Variants in XKR9 observed in about 807,000 individuals in gnomAD.
XKR9 encodes the protein XK related 9.
A neutral mutation model predicts 32.0 loss-of-function variants in XKR9; 32 were observed. The ratio of observed to expected loss-of-function variants is 1.00; its 90% CI spans 0.76 to 1.34. XKR9 has a LOEUF of 1.34. Among genes scored for constraint, XKR9 ranks in the 40% most tolerant of loss-of-function variants. The pLI is 0.00. For missense variants in XKR9, 546 were observed against 429.7 expected, an observed-to-expected ratio of 1.27 and a Z score of -2.39; for synonymous variants, 168 against 143.4, an observed-to-expected ratio of 1.17 and a Z score of -1.22.
At chr8:70,967,516 T>C in the XKR9 span, among the ~76,000 whole-genome samples, 1 of 152,204 alleles carries the variant, frequency 6.6e-6, no homozygotes, top group Non-Finnish European at 1.5e-5. Context: ...GTTTATGTGG[T>C]TGCTTCATAG....
Position 70,785,720 on chromosome 8 carries a change from T to TCG in XKR9, n.353-3618_353-3617insGC, listed in dbSNP as rs752646112. On this transcript the variant is annotated intron_variant and non_coding_transcript_variant, in intron 2 of 3. Transcript: ENST00000520273. ...GTGTGTTGTATTTACTTTTTTTTGC[T>TCG]CTCTCTCTCTCTCTCTCTCTATATA... Among the ~76,000 whole-genome samples the TCG allele has an allele frequency of 6.4e-5, 5 of 78,620 alleles. 1 individual carries two copies. The allele number at this position is 78,620 out of a possible 152,430, so 51.6% of individuals were successfully genotyped here. A position where few individuals can be genotyped will look rare whatever the true frequency, so the allele number is the denominator to read the frequency against.
chr8:70,738,988 G>A (rs889017345), downstream of XKR9, among the ~76,000 whole-genome samples: 14 of 152,198 alleles, frequency 9.2e-5, no homozygotes, highest in South Asian at 4.2e-4. Context: ...TATTAGGTCC[G>A]CTTGGTGCAG....
chr8:70,875,417 G>A, the XKR9 span, among the ~76,000 whole-genome samples: 1 of 152,160 alleles, frequency 6.6e-6, no homozygotes, highest in South Asian at 2.1e-4. Context: ...TATAGAGCAG[G>A]ACACATATTT....
the XKR9 span, among the ~76,000 whole-genome samples, chr8:70,870,156 T>C: frequency 6.6e-6 from 1 of 152,232 alleles, no homozygotes; most frequent in East Asian, 1.9e-4. Flanking sequence ...ACTAGTATGA[T>C]ATTTTGTAAG....
intron 3 of XKR9, among the ~76,000 whole-genome samples, chr8:70,686,407 T>G (rs2132122488): frequency 1.0e-5 from 1 of 99,328 alleles, no homozygotes; most frequent in African/African-American, 3.5e-5. Context: ...CACACCGAGA[T>G]AGCTAATATA....
chr8:70,772,509 C>T (rs1807467009), intron 2 of XKR9, among the ~76,000 whole-genome samples: 1 of 152,038 alleles, frequency 6.6e-6, no homozygotes, highest in Admixed American at 6.6e-5. Context: ...TTTAAAACAC[C>T]ATGAAATGCC....
the XKR9 span, among the ~76,000 whole-genome samples, chr8:70,959,309 A>G: frequency 1.3e-5 from 2 of 152,298 alleles, no homozygotes; most frequent in Middle Eastern, 3.4e-3. Flanking sequence ...CACATATAGG[A>G]TATTATACCA....
the XKR9 span, among the ~76,000 whole-genome samples, chr8:71,062,508 G>A: frequency 6.6e-6 from 1 of 152,156 alleles, no homozygotes; most frequent in Non-Finnish European, 1.5e-5. Context: ...TGCGGGTTGA[G>A]ATTTCCACAT....
chr8:71,006,552 C>G, the XKR9 span, among the ~76,000 whole-genome samples: 8 of 152,250 alleles, frequency 5.3e-5, no homozygotes, highest in South Asian at 1.7e-3. Context: ...TTAAACAAAC[C>G]TTCAACTGCA....
chr8:70,779,242 A>G (rs1314529417), intron 2 of XKR9, among the ~76,000 whole-genome samples: 1 of 151,742 alleles, frequency 6.6e-6, no homozygotes, highest in Non-Finnish European at 1.5e-5. Flanking sequence ...TGTTTATGTG[A>G]TGGATTATGT....
chr8:70,792,873 C>T (rs117819407), downstream of XKR9, among the ~76,000 whole-genome samples: 1,106 of 152,224 alleles, frequency 7.3e-3, 12 homozygotes, highest in Middle Eastern at 0.014. Context: ...ATCTATGTAC[C>T]AGAAAAGAAG....
At position 70,708,595 on chromosome 8, in the gene XKR9, T is replaced by C. The variant is rs531262056; in HGVS notation, c.493+1442T>C. ...TAGGCAAAACACAGTTTATAGAATT[T>C]TCTGTCAGCACATTTTTAAGGTTAC... On this transcript the variant is annotated intron_variant, in intron 4 of 4. Transcript: ENST00000408926. 5.2e-4 allele frequency among the ~76,000 whole-genome samples: 79 copies of C among 152,172 alleles called. 1 individual carries two copies. In the East Asian group the frequency reaches 0.011, roughly 20 times the overall value.
At chr8:70,713,714 G>A (rs558027360) in intron 4 of XKR9, among the ~76,000 whole-genome samples, 3 of 152,252 alleles carry the variant, frequency 2.0e-5, no homozygotes, top group South Asian at 4.1e-4. Context: ...ATGTAAATCA[G>A]ATGGAGAATA....
At chr8:71,058,073 C>T in the XKR9 span, among the ~76,000 whole-genome samples, 1,131 of 151,726 alleles carry the variant, frequency 7.5e-3, 18 homozygotes, top group African/African-American at 0.025. Flanking sequence ...CCCAACTACT[C>T]GAGAGGCTGA....
intron 1 of XKR9, among the ~76,000 whole-genome samples, chr8:70,670,178 C>T (rs1191289611): frequency 6.6e-6 from 1 of 152,166 alleles, no homozygotes; most frequent in Non-Finnish European, 1.5e-5. Context: ...CTCCTACCTG[C>T]CTCGCACTAA....
the XKR9 span, among the ~76,000 whole-genome samples, chr8:70,982,595 A>AT: frequency 6.6e-6 from 1 of 152,160 alleles, no homozygotes; most frequent in East Asian, 1.9e-4. Context: ...AGGGCTGAGA[A>AT]CTTGCCCCAG....
rs1196457820 is a variant in XKR9, at chr8:70,697,868, T to A, written c.273-9065T>A. ...TTATTGCCACAATTTCAGCTCCTGT[T>A]ATTGGTCTATTCAGAGATTCAACTT... is the stretch of plus-strand genomic sequence containing the variant. On this transcript the variant is annotated intron_variant, in intron 3 of 4. Coordinates refer to ENST00000408926, the MANE Select transcript of XKR9 (RefSeq NM_001011720.2). 2.6e-5 allele frequency among the ~76,000 whole-genome samples: 4 copies of A among 152,122 alleles called. No individual in the cohort carries two copies. The East Asian group carries it at 7.7e-4, about 29-fold the overall frequency.
chr8:71,008,860 G>T, the XKR9 span, among the ~76,000 whole-genome samples: 14,149 of 152,020 alleles, frequency 0.093, 744 homozygotes, highest in African/African-American at 0.14. Flanking sequence ...GTAGTGACTG[G>T]GTTTTGCCAT....
At chr8:71,063,323 A>G in the XKR9 span, among the ~76,000 whole-genome samples, 4 of 152,124 alleles carry the variant, frequency 2.6e-5, no homozygotes, top group African/African-American at 9.7e-5. Context: ...TACCATTCAC[A>G]CGAGAAGTAA....
Sources: gnomAD v4.1 joint callset for allele counts (sites outside exome capture counted in the v4.1 genomes callset) on GRCh38, gnomAD v4.1.1 for gene constraint, MANE v1.5 for transcripts, NCBI Gene and HGNC (gene_info 2026-07-23, HGNC 2026-07-21) for gene names.